FAT3: variants seen among roughly 807,000 people sequenced by gnomAD.
The protein encoded by FAT3 is protocadherin Fat 3.
Under a neutral mutation model 310.2 loss-of-function variants are expected in FAT3, and 95 were observed. The ratio of observed to expected loss-of-function variants is 0.31; its 90% confidence interval spans 0.26 to 0.36. FAT3 has a LOEUF of 0.36. Among genes scored for constraint, FAT3 ranks in the 10% least tolerant of loss-of-function variants. FAT3 has a pLI of 1.00. For missense variants in FAT3, 5,408 were observed against 5,715.6 expected (o/e 0.95, Z 1.74); for synonymous variants, 2,314 against 2,192.9 (o/e 1.06, Z -1.54).
chr11:92,334,605 A>G (rs1948006360), intron 1 of FAT3, among the ~76,000 whole-genome samples: 1 of 151,874 alleles, frequency 6.6e-6, no homozygotes, highest in Non-Finnish European at 1.5e-5. Context: ...GGGATTCCAG[A>G]AAATACTGTC....
At chr11:92,864,079 G>A (rs1190459451) in intron 21 of FAT3, among the ~76,000 whole-genome samples, 1 of 152,172 alleles carries the variant, frequency 6.6e-6, no homozygotes, top group East Asian at 1.9e-4. Flanking sequence ...ACCGTGCCGT[G>A]TTAGTATGAG....
At chr11:92,511,881 C>T (rs1953301897) in intron 2 of FAT3, among the ~76,000 whole-genome samples, 1 of 152,156 alleles carries the variant, frequency 6.6e-6, no homozygotes, top group Non-Finnish European at 1.5e-5. Context: ...TAATACATTT[C>T]AGCAAATTTT....
intron 1 of FAT3, among the ~76,000 whole-genome samples, chr11:92,351,621 C>T (rs1017025202): frequency 2.6e-5 from 4 of 152,154 alleles, no homozygotes; most frequent in Admixed American, 2.6e-4. Flanking sequence ...TATGAATACA[C>T]CATGAATTAT....
At chr11:92,487,720 C>T (rs573543956) in intron 2 of FAT3, among the ~76,000 whole-genome samples, 12 of 152,324 alleles carry the variant, frequency 7.9e-5, no homozygotes, top group Non-Finnish European at 1.8e-4. Flanking sequence ...AGCCCATGCT[C>T]TTAACCTCAA....
chr11:92,608,348 A>T (rs1940400719), intron 3 of FAT3, among the ~76,000 whole-genome samples: 4 of 152,268 alleles, frequency 2.6e-5, no homozygotes, highest in Admixed American at 2.6e-4. Context: ...CAGGTAATTT[A>T]CTTTTCGTTT....
chr11:92,401,824 A>G (rs1950019882), intron 2 of FAT3, among the ~76,000 whole-genome samples: 2 of 152,178 alleles, frequency 1.3e-5, no homozygotes, highest in South Asian at 2.1e-4. Context: ...CTTTGGCACC[A>G]GTAGCTACAA....
rs572270135 is a variant in FAT3, at chr11:92,724,837, A to G, written c.3669+27392A>G. Among the ~76,000 whole-genome samples the G allele has an allele frequency of 1.1e-4, 16 of 152,352 alleles. 2 individuals are homozygous for G. In the South Asian group the frequency reaches 3.1e-3, roughly 30 times the overall value. On this transcript the variant is annotated intron_variant, in intron 4 of 27. Transcript: ENST00000525166. ...AAAGTACACACCATTAAATGGGTCC[A>G]AAGCCAGAGGAGCAGGAGACCACAA...
intron 2 of FAT3, among the ~76,000 whole-genome samples, chr11:92,373,683 A>C (rs933626391): frequency 1.3e-5 from 2 of 151,952 alleles, no homozygotes; most frequent in African/African-American, 2.4e-5. Context: ...TGATCCAAAC[A>C]GGCAAAAATC....
intron 9 of FAT3, among the ~76,000 whole-genome samples, 180 bp from the exon 10 acceptor site, chr11:92,797,656 G>GTTCCT (rs1947210433): frequency 6.6e-6 from 1 of 152,040 alleles, no homozygotes; most frequent in South Asian, 2.1e-4. Context: ...ACTCATTTTG[G>GTTCCT]TTCCTTTTCA....
intron 1 of FAT3, among the ~76,000 whole-genome samples, chr11:92,253,938 G>A (rs1470506745): frequency 6.6e-6 from 1 of 152,122 alleles, no homozygotes; most frequent in Non-Finnish European, 1.5e-5. Context: ...ACTTGGATGT[G>A]GATACTTACT....
At position 92,371,039 on chromosome 11, in the gene FAT3, C is replaced by A. The variant is rs1462729691; in HGVS notation, c.3292+15635C>A. 2.6e-5 allele frequency among the ~76,000 whole-genome samples: 4 copies of A among 152,142 alleles called. No homozygotes were observed. The East Asian group carries it at 7.7e-4, about 29-fold the overall frequency. On this transcript the variant is annotated intron_variant, in intron 2 of 27. Transcript: ENST00000525166. ...CACACAATTCTAATAAGATGGATTT[C>A]CTGATATGTAATCCTATAGCATTTT...
At chr11:92,245,329 CG>C (rs1864855482) in intron 1 of FAT3, among the ~76,000 whole-genome samples, 1 of 145,996 alleles carries the variant, frequency 6.8e-6, no homozygotes, top group Non-Finnish European at 1.5e-5. Flanking sequence ...TATCACATAC[CG>C]GGGCCTGTCG....
intron 3 of FAT3, among the ~76,000 whole-genome samples, chr11:92,682,726 G>C (rs953352942): frequency 6.6e-6 from 1 of 152,144 alleles, no homozygotes; most frequent in Admixed American, 6.5e-5. Context: ...GGGATGGTTG[G>C]TCACCCAACA....
At chr11:92,739,540 G>A (rs754252081) in intron 4 of FAT3, among the ~76,000 whole-genome samples, 5 of 152,074 alleles carry the variant, frequency 3.3e-5, no homozygotes, top group East Asian at 1.9e-4. Flanking sequence ...ACAAGACTTC[G>A]CAGAACATTC....
intron 2 of FAT3, among the ~76,000 whole-genome samples, chr11:92,359,150 C>T (rs899755821): frequency 2.6e-5 from 4 of 152,114 alleles, no homozygotes; most frequent in African/African-American, 9.7e-5. Flanking sequence ...GCATTTCCTC[C>T]TCATGTGGTT....
At chr11:92,384,312 T>C (rs1949569504) in intron 2 of FAT3, among the ~76,000 whole-genome samples, 1 of 152,170 alleles carries the variant, frequency 6.6e-6, no homozygotes, top group Admixed American at 6.5e-5. Context: ...CTGTTCTTCT[T>C]GTGTATTGGA....
chr11:92,781,244 G>A (rs1291751943), intron 7 of FAT3, among the ~76,000 whole-genome samples: 5 of 151,316 alleles, frequency 3.3e-5, no homozygotes, highest in Admixed American at 6.6e-5. Flanking sequence ...CACCACGCCC[G>A]GCTAGTTTTG....
chr11:92,797,785 A>G, intron 9 of FAT3, 51 bp from the exon 10 acceptor site: 1 of 1,516,078 alleles, frequency 6.6e-7, no homozygotes, highest in Non-Finnish European at 9.0e-7. Context: ...AATCAAAAAG[A>G]TTTCAGTGAC....
chr11:92,851,485 A>T lies in FAT3; in HGVS notation c.11366-5729A>T, dbSNP rs528794021. On this transcript the variant is annotated intron_variant, in intron 19 of 27. Transcript: ENST00000525166. Reference sequence around the variant, plus strand: ...AGTGACTAAATTAAAAAAATTAGCCAGGGCCAAAATCCAGGTCTGCGTCTA... The same window carrying T: ...AGTGACTAAATTAAAAAAATTAGCCTGGGCCAAAATCCAGGTCTGCGTCTA... Among the ~76,000 whole-genome samples, 5 of 152,330 alleles carry T rather than the reference A, an allele frequency of 3.3e-5. 1 individual carries two copies. Among genetic ancestry groups the T allele is most frequent in the Middle Eastern group, 6.8e-3 (2 of 294 alleles).
Sources: gnomAD v4.1 joint callset for allele counts (sites outside exome capture counted in the v4.1 genomes callset) on GRCh38, gnomAD v4.1.1 for gene constraint, MANE v1.5 for transcripts, NCBI Gene and HGNC (gene_info 2026-07-23, HGNC 2026-07-21) for gene names.